The following NAALADL2 variants were observed in gnomAD, a reference collection of about 807,000 sequenced individuals.
NAALADL2 encodes the protein N-acetylated alpha-linked acidic dipeptidase like 2.
In NAALADL2, 76 loss-of-function variants were observed where a neutral mutation model predicts 87.2. That is an observed-to-expected ratio of 0.87 (90% CI 0.72 to 1.05). The LOEUF (loss-of-function observed/expected upper bound fraction) is 1.05, where lower values mean the gene tolerates loss of function less well. Among genes scored for constraint, NAALADL2 ranks in the 50% least tolerant of loss-of-function variants. The pLI is 0.00. For synonymous variants in NAALADL2, 354 were observed against 331.0 expected (o/e 1.07, Z -0.75); for missense variants, 1,089 against 945.8 (o/e 1.15, Z -1.99).
At position 175,034,115 on chromosome 3, in the gene NAALADL2, T is replaced by C. The variant is rs199706505; in HGVS notation, c.44-62675T>C. Among the ~76,000 whole-genome samples, 9 of 152,126 alleles carry C rather than the reference T, an allele frequency of 5.9e-5. No homozygotes were observed. The East Asian group carries it at 1.7e-3, about 29-fold the overall frequency. On this transcript the variant is annotated intron_variant, in intron 1 of 13. Coordinates refer to ENST00000454872, the MANE Select transcript of NAALADL2 (RefSeq NM_207015.3). ...ATGTATAATCCATGAGAAAATCTTG[T>C]TGGTTTTCCTTTTCAAGTATGTTTA...
chr3:175,643,467 G>A (rs1729567804), intron 11 of NAALADL2, among the ~76,000 whole-genome samples: 1 of 152,154 alleles, frequency 6.6e-6, no homozygotes, highest in Non-Finnish European at 1.5e-5. Flanking sequence ...GACTAGAATA[G>A]CCTGTTGATA....
In NAALADL2 at chr3:174,817,065, T is replaced by C. The variant is rs2109316535; in HGVS notation, c.-9+79319T>C. On this transcript the variant is annotated intron_variant, in intron 3 of 3. Coordinates refer to the NAALADL2 transcript ENST00000434257. ...GCAGCTAAATTTGACTTTAGTTCTT[T>C]TTTATTTCCTTTGGTTACTTTGGTG... Among the ~76,000 whole-genome samples, 2 of 152,338 alleles carry C rather than the reference T, an allele frequency of 1.3e-5. 1 individual carries two copies. Among genetic ancestry groups the C allele is most frequent in the East Asian group, 3.9e-4 (2 of 5,188 alleles).
chr3:174,720,270 T>C (rs1731585303), intron 2 of NAALADL2, among the ~76,000 whole-genome samples: 1 of 152,198 alleles, frequency 6.6e-6, no homozygotes, highest in African/African-American at 2.4e-5. Flanking sequence ...TATTGGTTTA[T>C]TATCTTTTTA....
In NAALADL2 at chr3:174,561,191, A is replaced by G. The variant is rs578040369; in HGVS notation, c.-115+10554A>G. On this transcript the variant is annotated intron_variant, in intron 2 of 3. Coordinates refer to the NAALADL2 transcript ENST00000434257. ...AAGAGGGATTCTAGCTAAACTGACTAATAGGATTCCTTTTTTTTTTTTTTT... is the reference window on the plus strand; with the variant it reads ...AAGAGGGATTCTAGCTAAACTGACTGATAGGATTCCTTTTTTTTTTTTTTT... Among the ~76,000 whole-genome samples, 3 of 146,812 alleles carry G rather than the reference A, an allele frequency of 2.0e-5. No individual in the cohort carries two copies. In the East Asian group the frequency reaches 6.4e-4, roughly 31 times the overall value.
chr3:175,115,502 G>A (rs201291332), intron 2 of NAALADL2, among the ~76,000 whole-genome samples: 1 of 24,690 alleles, frequency 4.1e-5, no homozygotes, highest in Admixed American at 3.7e-4. Context: ...AGCAGATAAC[G>A]TGTATCCTAA....
intron 3 of NAALADL2, among the ~76,000 whole-genome samples, chr3:174,801,334 A>C (rs1718807575): frequency 6.6e-6 from 1 of 152,168 alleles, no homozygotes; most frequent in Non-Finnish European, 1.5e-5. Flanking sequence ...TGGTTTGATA[A>C]AGAGGAGTTC....
intron 1 of NAALADL2, among the ~76,000 whole-genome samples, chr3:174,497,550 C>T (rs1470934752): frequency 6.6e-6 from 1 of 152,120 alleles, no homozygotes; most frequent in East Asian, 1.9e-4. Flanking sequence ...ATACTTCCTC[C>T]ATGGTCATGT....
rs937492026 is a variant in NAALADL2, at chr3:174,988,661, G to C, written c.44-108129G>C. On this transcript the variant is annotated intron_variant, in intron 1 of 13. Coordinates refer to ENST00000454872, the MANE Select transcript of NAALADL2 (RefSeq NM_207015.3). ...TTTCAAGCCTCTCTCCTAGCTTCTA[G>C]TAGTTTCTTGGCTTGTGACAGCATA... 1.1e-4 allele frequency among the ~76,000 whole-genome samples: 16 copies of C among 152,258 alleles called. No homozygotes were observed. The South Asian group carries it at 3.3e-3, about 32-fold the overall frequency.
At chr3:175,767,727 T>TAA (rs1456584536) in intron 13 of NAALADL2, 2 of 152,158 alleles carry the variant, frequency 1.3e-5, no homozygotes, top group Non-Finnish European at 2.9e-5. Flanking sequence ...TTCTTTAAGC[T>TAA]AAGTTTCATA....
chr3:175,612,045 A>C (rs564718398), intron 10 of NAALADL2, among the ~76,000 whole-genome samples: 9 of 152,320 alleles, frequency 5.9e-5, no homozygotes, highest in Non-Finnish European at 1.0e-4. Context: ...TAGCCTTTGA[A>C]ATTAAATCTA....
At chr3:174,947,368 C>G (rs565946446) in intron 1 of NAALADL2, among the ~76,000 whole-genome samples, 2 of 152,184 alleles carry the variant, frequency 1.3e-5, no homozygotes, top group African/African-American at 4.8e-5. Flanking sequence ...AAAAGCAGAG[C>G]TGAAGATTGC....
chr3:175,410,297 A>G (rs1713251599), intron 5 of NAALADL2, among the ~76,000 whole-genome samples: 1 of 152,176 alleles, frequency 6.6e-6, no homozygotes, highest in Admixed American at 6.6e-5. Context: ...TACATACACT[A>G]TTTTAATAGA....
intron 2 of NAALADL2, among the ~76,000 whole-genome samples, chr3:174,564,111 G>A (rs1403126817): frequency 1.3e-5 from 2 of 152,150 alleles, no homozygotes; most frequent in Non-Finnish European, 2.9e-5. Context: ...GGGTAATGGA[G>A]TTCATATAAG....
chr3:174,847,199 G>C (rs1724721161), intron 3 of NAALADL2, among the ~76,000 whole-genome samples: 1 of 152,120 alleles, frequency 6.6e-6, no homozygotes, highest in Non-Finnish European at 1.5e-5. Context: ...TCTTATATGT[G>C]TATACCTTTC....
chr3:175,675,629 G>T (rs753444635), intron 11 of NAALADL2: 3 of 152,080 alleles, frequency 2.0e-5, no homozygotes, highest in Non-Finnish European at 4.4e-5. Context: ...GACAAATTTT[G>T]CATTTTCATC....
At chr3:175,002,710 C>T (rs1325338560) in intron 1 of NAALADL2, among the ~76,000 whole-genome samples, 1 of 152,148 alleles carries the variant, frequency 6.6e-6, no homozygotes, top group African/African-American at 2.4e-5. Context: ...GACAAGTTTG[C>T]CAGGGTCATC....
chr3:175,418,545 A>G (rs1040021021), intron 5 of NAALADL2, among the ~76,000 whole-genome samples: 3 of 152,268 alleles, frequency 2.0e-5, no homozygotes, highest in African/African-American at 7.2e-5. Flanking sequence ...TGAGCAATGC[A>G]TCACATAAAA....
At chr3:174,600,516 T>C (rs1718335709) in intron 2 of NAALADL2, among the ~76,000 whole-genome samples, 1 of 152,160 alleles carries the variant, frequency 6.6e-6, no homozygotes, top group Admixed American at 6.5e-5. Flanking sequence ...GATTTGTCTT[T>C]GAAGAGTCAA....
At chr3:175,465,759 C>T (rs1723923715) in intron 7 of NAALADL2, among the ~76,000 whole-genome samples, 1 of 152,146 alleles carries the variant, frequency 6.6e-6, no homozygotes, top group African/African-American at 2.4e-5. Flanking sequence ...GCGTGAGCCA[C>T]CGCCCATTAA....
Sources: gnomAD v4.1 joint callset for allele counts (sites outside exome capture counted in the v4.1 genomes callset) on GRCh38, gnomAD v4.1.1 for gene constraint, MANE v1.5 for transcripts, NCBI Gene and HGNC (gene_info 2026-07-23, HGNC 2026-07-21) for gene names.